Variants in HS6ST3 observed in about 807,000 individuals in gnomAD.
HS6ST3 encodes heparan-sulfate 6-O-sulfotransferase 3.
Under a neutral mutation model 36.7 loss-of-function variants are expected in HS6ST3, and 12 were observed. The observed-to-expected ratio is 0.33, with a 90% CI of 0.21 to 0.53. The LOEUF (loss-of-function observed/expected upper bound fraction) is 0.53, where lower values mean the gene tolerates loss of function less well. Ranked by LOEUF, HS6ST3 falls within the 20% of genes least tolerant of loss-of-function variation. The pLI is 0.95. For missense variants in HS6ST3, 584 were observed against 640.9 expected (o/e 0.91, Z 0.96); for synonymous variants, 240 against 257.5 (o/e 0.93, Z 0.65).
intron 1 of HS6ST3, among the ~76,000 whole-genome samples, chr13:96,812,534 A>G (rs1347023474): frequency 6.6e-6 from 1 of 152,204 alleles, no homozygotes; most frequent in Non-Finnish European, 1.5e-5. Flanking sequence ...GTTGACTCTT[A>G]AAATAACCTT....
At chr13:96,625,132 C>T (rs995814981) in intron 1 of HS6ST3, among the ~76,000 whole-genome samples, 3 of 152,142 alleles carry the variant, frequency 2.0e-5, no homozygotes, top group Admixed American at 1.3e-4. Flanking sequence ...CTTTTAATTA[C>T]GTGTGAATTA....
chr13:96,491,180 G>A (rs1438122568), intron 1 of HS6ST3, among the ~76,000 whole-genome samples: 1 of 151,926 alleles, frequency 6.6e-6, no homozygotes, highest in East Asian at 1.9e-4. Context: ...ATTTATTTGA[G>A]GGAATTATCT....
intron 1 of HS6ST3, among the ~76,000 whole-genome samples, chr13:96,698,707 A>G (rs1274973037): frequency 6.6e-6 from 1 of 152,180 alleles, no homozygotes; most frequent in Non-Finnish European, 1.5e-5. Context: ...ATTTGATGCC[A>G]TCCCCATCAA....
intron 1 of HS6ST3, among the ~76,000 whole-genome samples, chr13:96,562,748 A>G (rs998572349): frequency 1.3e-5 from 2 of 152,050 alleles, no homozygotes; most frequent in Admixed American, 6.6e-5. Context: ...CATCATGTAC[A>G]TGCAATGTGC....
At chr13:96,327,824 C>T (rs1453794200) in intron 1 of HS6ST3, among the ~76,000 whole-genome samples, 33 of 151,376 alleles carry the variant, frequency 2.2e-4, no homozygotes, top group African/African-American at 7.5e-4. Flanking sequence ...ATGGAATGTC[C>T]TTCCATTTGT....
chr13:96,500,121 G>C (rs961080877), intron 1 of HS6ST3, among the ~76,000 whole-genome samples: 1 of 152,130 alleles, frequency 6.6e-6, no homozygotes, highest in South Asian at 2.1e-4. Context: ...ACCACCGATC[G>C]ACTTTCTGCC....
intron 1 of HS6ST3, among the ~76,000 whole-genome samples, chr13:96,721,979 A>G: frequency 6.6e-6 from 1 of 152,192 alleles, no homozygotes; most frequent in East Asian, 1.9e-4. Flanking sequence ...TGTATGAAAT[A>G]CATGTGGCCG....
intron 1 of HS6ST3, among the ~76,000 whole-genome samples, chr13:96,647,635 A>G (rs779711498): frequency 6.6e-6 from 1 of 152,078 alleles, no homozygotes; most frequent in Non-Finnish European, 1.5e-5. Flanking sequence ...TGTCATAATA[A>G]CTTTTTTGTT....
chr13:96,543,162 A>G (rs1594803409), intron 1 of HS6ST3, among the ~76,000 whole-genome samples: 1 of 152,304 alleles, frequency 6.6e-6, no homozygotes. Flanking sequence ...TATCTCCCGT[A>G]CAGATTATGG....
At chr13:96,379,700 T>G (rs149650173) in intron 1 of HS6ST3, among the ~76,000 whole-genome samples, 2 of 152,220 alleles carry the variant, frequency 1.3e-5, no homozygotes, top group Non-Finnish European at 2.9e-5. Flanking sequence ...ACATTCTGAA[T>G]CTACTGGTTA....
intron 1 of HS6ST3, among the ~76,000 whole-genome samples, chr13:96,650,723 G>A (rs551151606): frequency 6.6e-6 from 1 of 152,182 alleles, no homozygotes; most frequent in African/African-American, 2.4e-5. Flanking sequence ...GAGTGAGTGT[G>A]AAGTTCACAC....
intron 1 of HS6ST3, among the ~76,000 whole-genome samples, chr13:96,615,846 T>C (rs1159208526): frequency 6.6e-6 from 1 of 152,220 alleles, no homozygotes; most frequent in Non-Finnish European, 1.5e-5. Context: ...GTACCTTTTG[T>C]TATATGTGAC....
intron 1 of HS6ST3, among the ~76,000 whole-genome samples, chr13:96,606,135 G>A (rs1157328693): frequency 1.3e-5 from 2 of 152,268 alleles, no homozygotes; most frequent in Non-Finnish European, 2.9e-5. Context: ...ATGTAAATTA[G>A]TTCAGCCACT....
At chr13:96,442,025 G>GTTT (rs1209849943) in intron 1 of HS6ST3, among the ~76,000 whole-genome samples, 6 of 143,366 alleles carry the variant, frequency 4.2e-5, no homozygotes, top group African/African-American at 1.3e-4. Context: ...TGATAATATA[G>GTTT]TTTTTTTTTT....
intron 1 of HS6ST3, among the ~76,000 whole-genome samples, chr13:96,535,352 C>G (rs762351479): frequency 6.6e-6 from 1 of 151,900 alleles, no homozygotes; most frequent in South Asian, 2.1e-4. Flanking sequence ...GTCAGGAGAT[C>G]GAGACCATCC....
intron 1 of HS6ST3, among the ~76,000 whole-genome samples, chr13:96,332,114 A>T (rs2055073732): frequency 6.6e-6 from 1 of 152,308 alleles, no homozygotes; most frequent in African/African-American, 2.4e-5. Flanking sequence ...CCGGTACCTC[A>T]GATGGAAATG....
At chr13:96,377,117 C>A (rs1206547062) in intron 1 of HS6ST3, among the ~76,000 whole-genome samples, 1 of 149,784 alleles carries the variant, frequency 6.7e-6, no homozygotes. Flanking sequence ...GTAATCTGAG[C>A]ACTTTGGGAG....
At chr13:96,697,841 TGGTACAATGCCTTTTTGAAGACAAC>T (rs1380083506) in intron 1 of HS6ST3, among the ~76,000 whole-genome samples, 1 of 152,156 alleles carries the variant, frequency 6.6e-6, no homozygotes, top group African/African-American at 2.4e-5. Context: ...TGTGGTACAA[TGGTACAATGCCTTTTTGAAGACAAC>T]GGTACAATGC....
chr13:96,384,247 A>G (rs2055356553), intron 1 of HS6ST3, among the ~76,000 whole-genome samples: 1 of 152,034 alleles, frequency 6.6e-6, no homozygotes, highest in South Asian at 2.1e-4. Flanking sequence ...CATTTATTTT[A>G]TTTTATTATT....
Sources: gnomAD v4.1 joint callset for allele counts (sites outside exome capture counted in the v4.1 genomes callset) on GRCh38, gnomAD v4.1.1 for gene constraint, MANE v1.5 for transcripts, NCBI Gene and HGNC (gene_info 2026-07-23, HGNC 2026-07-21) for gene names.